Variants in FAAH2 observed in about 807,000 individuals in gnomAD.
FAAH2 encodes fatty-acid amide hydrolase 2.
FAAH2 carries 60 observed loss-of-function variants against 36.9 expected under a neutral mutation model. The observed-to-expected ratio is 1.63, with a 90% confidence interval of 1.32 to 2.02. The LOEUF is 2.02. Among genes scored for constraint, FAAH2 ranks in the 30% most tolerant of loss-of-function variants. FAAH2 has a pLI of 0.00. For missense variants in FAAH2, 689 were observed against 397.5 expected (o/e 1.73, Z -6.23); for synonymous variants, 214 against 143.8 (o/e 1.49, Z -3.49).
At chrX:57,190,154 G>A in the FAAH2 span, among the ~76,000 whole-genome samples, 1 of 110,276 alleles carries the variant, frequency 9.1e-6, no homozygotes. Context: ...TTGCTGTGCT[G>A]TGTTGAGTTC....
chrX:57,194,140 A>AAGCT, the FAAH2 span, among the ~76,000 whole-genome samples: 2 of 111,582 alleles, frequency 1.8e-5, no homozygotes. Context: ...TTCAGCAGTA[A>AAGCT]AGCTATCAGG....
At chrX:57,263,634 T>C in the FAAH2 span, among the ~76,000 whole-genome samples, 6 of 111,780 alleles carry the variant, frequency 5.4e-5, 1 homozygote, top group Admixed American at 5.7e-4. Context: ...GCAAAGAAAA[T>C]AGAATAGCTT....
At position 57,290,202 on chromosome X, in the gene FAAH2, T is replaced by G. The variant is rs956508702; in HGVS notation, c.193-2296T>G. The G allele has an allele frequency of 1.2e-5, 8 of 695,490 alleles. No individual in the cohort carries two copies. In the African/African-American group the frequency reaches 1.9e-4, roughly 17 times the overall value. The allele number at this position is 695,490 out of a possible 1,213,427, so 57.3% of individuals were successfully genotyped here. ...AACTTCTACCTCTAACCCCTGCTTT[T>G]TTTTTTTTTTTTCTCACGTGCTGCA... On this transcript the variant is annotated intron_variant, in intron 1 of 10. Coordinates refer to ENST00000374900, the MANE Select transcript of FAAH2 (RefSeq NM_174912.4).
intron 8 of FAAH2, among the ~76,000 whole-genome samples, chrX:57,442,875 G>A (rs1033283434): frequency 9.0e-6 from 1 of 110,620 alleles, no homozygotes; most frequent in African/African-American, 3.3e-5. Flanking sequence ...ATGAAGCTTA[G>A]TTTGGCTGGA....
upstream of FAAH2, among the ~76,000 whole-genome samples, chrX:57,286,113 G>A (rs775901891): frequency 6.3e-4 from 70 of 111,668 alleles, no homozygotes; most frequent in Non-Finnish European, 1.5e-4. Context: ...TGTTGAGTTT[G>A]AACGATCTGG....
chrX:57,413,073 TG>T (rs2147037962), intron 7 of FAAH2, among the ~76,000 whole-genome samples: 1 of 112,331 alleles, frequency 8.9e-6, no homozygotes, highest in Admixed American at 9.4e-5. Flanking sequence ...TGGTGAGGTT[TG>T]TTTTTTTCTT....
chrX:57,418,318 G>T (rs2055901085), intron 7 of FAAH2, among the ~76,000 whole-genome samples: 1 of 111,760 alleles, frequency 8.9e-6, no homozygotes, highest in Admixed American at 9.5e-5. Context: ...TGCCCAAACT[G>T]CTGCCCAGTG....
At chrX:57,275,656 G>A in the FAAH2 span, among the ~76,000 whole-genome samples, 1 of 111,922 alleles carries the variant, frequency 8.9e-6, no homozygotes, top group Admixed American at 9.5e-5. Flanking sequence ...AGACCTGCTA[G>A]TGTGCTGTAT....
intron 5 of FAAH2, among the ~76,000 whole-genome samples, chrX:57,368,991 T>C (rs1188525740): frequency 9.2e-6 from 1 of 108,602 alleles, no homozygotes; most frequent in Non-Finnish European, 1.9e-5. Context: ...AAACAATTCA[T>C]AGTATGAATG....
intron 7 of FAAH2, among the ~76,000 whole-genome samples, chrX:57,402,585 T>C (rs1232136893): frequency 2.7e-5 from 3 of 112,235 alleles, no homozygotes; most frequent in African/African-American, 9.7e-5. Flanking sequence ...AAACTTATCC[T>C]TTAAGATTAG....
At position 57,360,154 on chromosome X, in the gene FAAH2, T is replaced by C. The variant is rs764127270; in HGVS notation, c.743-18497T>C. On this transcript the variant is annotated intron_variant, in intron 5 of 10. Transcript: ENST00000374900. ...TTTTTGACTGCTTGATTATAATTTG[T>C]CTTGGTATGAGTCTGCTTGGGTTTA... 1.1e-3 allele frequency among the ~76,000 whole-genome samples: 120 copies of C among 110,584 alleles called. 1 individual carries two copies. Among genetic ancestry groups the C allele is most frequent in the Non-Finnish European group, 2.1e-3 (110 of 52,829 alleles).
intron 10 of FAAH2, among the ~76,000 whole-genome samples, chrX:57,475,060 G>GA (rs951945892): frequency 1.8e-5 from 2 of 111,490 alleles, no homozygotes; most frequent in African/African-American, 6.5e-5. Flanking sequence ...TATCTTTCTT[G>GA]AAAATTTAAA....
chrX:57,321,494 TA>T (rs1007391976), intron 3 of FAAH2, among the ~76,000 whole-genome samples: 4 of 110,153 alleles, frequency 3.6e-5, no homozygotes, highest in Middle Eastern at 4.7e-3. Context: ...TTATACTATT[TA>T]AAAAAATAGT....
chrX:57,231,180 G>A, the FAAH2 span, among the ~76,000 whole-genome samples: 1 of 109,868 alleles, frequency 9.1e-6, no homozygotes, highest in Non-Finnish European at 1.9e-5. Flanking sequence ...AAGTTGGGTT[G>A]TAGCTCATTA....
At chrX:57,337,538 C>A (rs1414442257) in intron 4 of FAAH2, among the ~76,000 whole-genome samples, 1 of 111,984 alleles carries the variant, frequency 8.9e-6, no homozygotes, top group East Asian at 2.8e-4. Context: ...TTTAGCAGCA[C>A]ATCAAATAGC....
intron 7 of FAAH2, among the ~76,000 whole-genome samples, chrX:57,386,135 G>A (rs189531287): frequency 3.0e-3 from 336 of 111,037 alleles, no homozygotes; most frequent in African/African-American, 9.6e-3. Context: ...TAATTTTTAC[G>A]TGTATTAAGA....
chrX:57,215,518 A>G, the FAAH2 span, among the ~76,000 whole-genome samples: 1 of 111,904 alleles, frequency 8.9e-6, no homozygotes, highest in Non-Finnish European at 1.9e-5. Context: ...ATGCACACAT[A>G]TGTTTACTGC....
intron 8 of FAAH2, among the ~76,000 whole-genome samples, chrX:57,446,727 T>C (rs1201172682): frequency 8.9e-6 from 1 of 112,004 alleles, no homozygotes; most frequent in African/African-American, 3.2e-5. Flanking sequence ...TTTCAAGTTT[T>C]ATCTATATTG....
At chrX:57,454,872 C>T (rs1258167817) in intron 10 of FAAH2, among the ~76,000 whole-genome samples, 1 of 111,690 alleles carries the variant, frequency 9.0e-6, no homozygotes, top group Non-Finnish European at 1.9e-5. Flanking sequence ...ACTTGTAAAA[C>T]ATATTTGAGG....
Sources: allele counts gnomAD v4.1 joint callset (sites outside exome capture counted in the v4.1 genomes callset), GRCh38; gene constraint gnomAD v4.1.1; transcripts MANE v1.5; gene names NCBI Gene and HGNC (gene_info 2026-07-23, HGNC 2026-07-21).